Variants in DIP2C observed in about 807,000 individuals in gnomAD.
DIP2C encodes disco-interacting protein 2 homolog C.
In DIP2C, 33 loss-of-function variants were observed where a neutral mutation model predicts 192.4. The ratio of observed to expected loss-of-function variants is 0.17; its 90% CI spans 0.13 to 0.23. The LOEUF (loss-of-function observed/expected upper bound fraction) is 0.23, where lower values mean the gene tolerates loss of function less well. DIP2C is among the 10% of genes least tolerant of loss of function. DIP2C has a pLI of 1.00. For missense variants in DIP2C, 1,537 were observed against 2,110.1 expected, an observed-to-expected ratio of 0.73 and a Z score of 5.32; for synonymous variants, 979 against 864.1, an observed-to-expected ratio of 1.13 and a Z score of -2.33.
intron 1 of DIP2C, chr10:665,006 AG>A (rs1330783484): frequency 6.6e-6 from 1 of 152,238 alleles, no homozygotes; most frequent in Non-Finnish European, 1.5e-5. Flanking sequence ...GCAGATACCC[AG>A]GTCTGTTCAG....
chr10:309,491 G>A (rs1426458363), intron 32 of DIP2C, among the ~76,000 whole-genome samples: 5 of 151,970 alleles, frequency 3.3e-5, no homozygotes, highest in Non-Finnish European at 7.4e-5. Context: ...CCAGTGAGAT[G>A]GTCAGATAAA....
At chr10:629,621 C>T (rs1854398276) in intron 1 of DIP2C, among the ~76,000 whole-genome samples, 1 of 152,134 alleles carries the variant, frequency 6.6e-6, no homozygotes, top group East Asian at 1.9e-4. Context: ...GAAGCTCAAG[C>T]TGTCAGGGTG....
intron 15 of DIP2C, 39 bp downstream of exon 15, chr10:384,507 G>A (rs770457391): frequency 1.2e-6 from 2 of 1,600,364 alleles, no homozygotes; most frequent in Non-Finnish European, 1.7e-6. Context: ...TAAAGCGCTG[G>A]GATTACAGGT....
At chr10:645,560 G>A (rs1855405800) in intron 1 of DIP2C, among the ~76,000 whole-genome samples, 1 of 152,196 alleles carries the variant, frequency 6.6e-6, no homozygotes, top group Non-Finnish European at 1.5e-5. Context: ...TAAAAACATT[G>A]ATGACTTGAT....
chr10:534,946 G>A (rs1278015071), intron 1 of DIP2C, among the ~76,000 whole-genome samples: 1 of 152,078 alleles, frequency 6.6e-6, no homozygotes, highest in Non-Finnish European at 1.5e-5. Flanking sequence ...AAAGTGCTGG[G>A]ATTACAGGCG....
chr10:431,920 C>G (rs1259315788), intron 4 of DIP2C, among the ~76,000 whole-genome samples: 1 of 152,136 alleles, frequency 6.6e-6, no homozygotes, highest in Non-Finnish European at 1.5e-5. Flanking sequence ...AGGAAGGTGA[C>G]CTCTGTTCCT....
chr10:298,241 C>A (rs777129006), intron 32 of DIP2C, among the ~76,000 whole-genome samples: 1 of 152,140 alleles, frequency 6.6e-6, no homozygotes, highest in Admixed American at 6.5e-5. Context: ...CTGACCTTGA[C>A]GGTTTTGAGG....
In DIP2C at chr10:498,039, CAGTG is replaced by C. The variant is rs543803669; in HGVS notation, c.86-11513_86-11510del. Among the ~76,000 whole-genome samples the C allele has an allele frequency of 3.4e-4, 51 of 151,848 alleles. No homozygotes were observed. In the South Asian group the frequency reaches 7.3e-3, roughly 22 times the overall value. Reference sequence around the variant, plus strand: ...GGCAGGCACCACCACACCCGGCTAACAGTGTATTTTTTGTAGAGATGGGGTCTTG... The same window carrying C: ...GGCAGGCACCACCACACCCGGCTAACTATTTTTTGTAGAGATGGGGTCTTG... On this transcript the variant is annotated intron_variant, in intron 1 of 36. Coordinates refer to ENST00000280886, the MANE Select transcript of DIP2C (RefSeq NM_014974.3).
At chr10:424,405 G>A (rs1261800006) in intron 4 of DIP2C, among the ~76,000 whole-genome samples, 2 of 111,960 alleles carry the variant, frequency 1.8e-5, no homozygotes, top group Non-Finnish European at 3.4e-5. Flanking sequence ...TTCCTCTGTT[G>A]CCCAGGCTGG....
At chr10:521,509 C>T (rs1846706106) in intron 1 of DIP2C, among the ~76,000 whole-genome samples, 1 of 152,214 alleles carries the variant, frequency 6.6e-6, no homozygotes, top group South Asian at 2.1e-4. Flanking sequence ...TGGTCCCAGC[C>T]CTGCTGCTCA....
chr10:407,953 T>C (rs1019637881), intron 9 of DIP2C, among the ~76,000 whole-genome samples: 4 of 152,364 alleles, frequency 2.6e-5, no homozygotes, highest in African/African-American at 9.6e-5. Context: ...TATTTTCCTT[T>C]TGTTGCCTGT....
intron 1 of DIP2C, among the ~76,000 whole-genome samples, chr10:533,153 G>C (rs770786992): frequency 3.3e-5 from 5 of 152,074 alleles, no homozygotes; most frequent in Non-Finnish European, 7.3e-5. Flanking sequence ...ATCTAAGAAA[G>C]TGTCAGAACT....
At chr10:568,537 A>G (rs904339530) in intron 1 of DIP2C, among the ~76,000 whole-genome samples, 1 of 151,818 alleles carries the variant, frequency 6.6e-6, no homozygotes, top group Non-Finnish European at 1.5e-5. Flanking sequence ...GGAGGCCGAG[A>G]CGGGCGGATC....
chr10:395,699 T>C (rs972775254), intron 10 of DIP2C, among the ~76,000 whole-genome samples: 3 of 152,212 alleles, frequency 2.0e-5, no homozygotes, highest in African/African-American at 7.2e-5. Flanking sequence ...GACAGGAATG[T>C]CAGCCCTTTC....
chr10:308,716 G>A (rs1956441139), intron 32 of DIP2C, among the ~76,000 whole-genome samples: 3 of 152,128 alleles, frequency 2.0e-5, no homozygotes. Flanking sequence ...GGCCTCCTGA[G>A]GGCTCCTACG....
chr10:643,790 G>C (rs1390015029), intron 1 of DIP2C, among the ~76,000 whole-genome samples: 1 of 152,230 alleles, frequency 6.6e-6, no homozygotes, highest in African/African-American at 2.4e-5. Context: ...AATTCCAGCT[G>C]GGTTGCAGAG....
intron 1 of DIP2C, among the ~76,000 whole-genome samples, chr10:613,461 T>C (rs146658737): frequency 3.3e-5 from 5 of 152,310 alleles, no homozygotes; most frequent in Admixed American, 6.5e-5. Context: ...GGAATCCGAT[T>C]TGGAGGGAAC....
At chr10:520,560 A>G (rs1177828519) in intron 1 of DIP2C, among the ~76,000 whole-genome samples, 2 of 152,096 alleles carry the variant, frequency 1.3e-5, no homozygotes, top group African/African-American at 4.8e-5. Context: ...GGAAACATGA[A>G]CCCTTTCTCA....
At chr10:491,622 G>C (rs569331268) in intron 1 of DIP2C, among the ~76,000 whole-genome samples, 1 of 152,222 alleles carries the variant, frequency 6.6e-6, no homozygotes, top group South Asian at 2.1e-4. Flanking sequence ...CAGCTAACTA[G>C]TGTGGGTCGC....
Sources: allele counts gnomAD v4.1 joint callset (sites outside exome capture counted in the v4.1 genomes callset), GRCh38; gene constraint gnomAD v4.1.1; transcripts MANE v1.5; gene names NCBI Gene and HGNC (gene_info 2026-07-23, HGNC 2026-07-21).